The following NAALADL2 variants were observed in gnomAD, a reference collection of about 807,000 sequenced individuals.
The protein encoded by NAALADL2 is N-acetylated alpha-linked acidic dipeptidase like 2, also known as inactive N-acetylated-alpha-linked acidic dipeptidase-like protein 2.
Under a neutral mutation model 87.2 loss-of-function variants are expected in NAALADL2, and 76 were observed. The observed-to-expected ratio is 0.87, with a 90% CI of 0.72 to 1.05. NAALADL2 has a LOEUF of 1.05. Among genes scored for constraint, NAALADL2 ranks in the 50% least tolerant of loss-of-function variants. The pLI is 0.00. For missense variants in NAALADL2, 1,089 were observed against 945.8 expected (o/e 1.15, Z -1.99); for synonymous variants, 354 against 331.0 (o/e 1.07, Z -0.75).
rs73049340 is a variant in NAALADL2 at position 175,640,046 on chromosome 3, T to G, written c.1896+12660T>G. On this transcript the variant is annotated intron_variant, in intron 11 of 13. Transcript: ENST00000454872. ...AGCAGAGATGCTTCAGAATAGAAAA[T>G]TTAAAAACGTGATTTGTATGTTGGA... Among the ~76,000 whole-genome samples, 1,360 of 152,266 alleles carry G rather than the reference T, an allele frequency of 8.9e-3. 13 individuals carry two copies. The highest frequency in any genetic ancestry group is 0.031 in the African/African-American group (1,287 of 41,540).
intron 9 of NAALADL2, among the ~76,000 whole-genome samples, chr3:175,567,301 G>A (rs188938356): frequency 1.3e-5 from 2 of 152,268 alleles, no homozygotes; most frequent in South Asian, 2.1e-4. Flanking sequence ...AATGAAGGTC[G>A]GTTGTTGAGG....
chr3:174,895,251 T>C (rs1281090124), intron 1 of NAALADL2, among the ~76,000 whole-genome samples: 2 of 151,848 alleles, frequency 1.3e-5, no homozygotes, highest in Non-Finnish European at 2.9e-5. Context: ...AGTTGGTTTT[T>C]TGAAAACTTA....
Position 175,217,305 on chromosome 3 carries a change from G to A in NAALADL2, c.546-16626G>A, listed in dbSNP as rs1021084139. On this transcript the variant is annotated intron_variant, in intron 2 of 13. Transcript: ENST00000454872. ...ATGGAGGAAAGCTCGCCCAGCAACA[G>A]CATGCGTTCATTTCCAGTTTGCAGT... Among the ~76,000 whole-genome samples the A allele has an allele frequency of 7.9e-5, 12 of 152,196 alleles. No individual in the cohort carries two copies. In the East Asian group the frequency reaches 2.3e-3, roughly 29 times the overall value.
At chr3:175,182,148 T>C (rs545467084) in intron 2 of NAALADL2, among the ~76,000 whole-genome samples, 2 of 152,158 alleles carry the variant, frequency 1.3e-5, no homozygotes, top group African/African-American at 4.8e-5. Context: ...TGATGATTAG[T>C]GATATTGAGA....
rs543195371 is a variant in NAALADL2, at chr3:174,952,863, T to C, written c.43+93413T>C. The stretch of plus-strand genomic sequence containing the variant: ...GGTACTGTCCCTGCATTTACACTTG[T>C]AGGTCAAATGAATATTTTTGATCAT... On this transcript the variant is annotated intron_variant, in intron 1 of 13. Transcript: ENST00000454872. 2.6e-5 allele frequency among the ~76,000 whole-genome samples: 4 copies of C among 152,236 alleles called. No individual in the cohort carries two copies. In the South Asian group the frequency reaches 6.2e-4, roughly 24 times the overall value.
intron 3 of NAALADL2, among the ~76,000 whole-genome samples, chr3:174,825,463 C>T (rs974560845): frequency 6.6e-6 from 1 of 152,158 alleles, no homozygotes; most frequent in Non-Finnish European, 1.5e-5. Flanking sequence ...TATCTAGGCC[C>T]TGGATGGAAT....
intron 3 of NAALADL2, among the ~76,000 whole-genome samples, chr3:175,248,072 C>T (rs1748322142): frequency 6.6e-6 from 1 of 152,172 alleles, no homozygotes; most frequent in Non-Finnish European, 1.5e-5. Flanking sequence ...CTTCTACTGC[C>T]TTCTCTAGTA....
intron 13 of NAALADL2, among the ~76,000 whole-genome samples, chr3:175,775,322 A>T (rs1253581767): frequency 2.0e-5 from 3 of 152,096 alleles, no homozygotes; most frequent in Non-Finnish European, 4.4e-5. Flanking sequence ...TGTCATACTT[A>T]ATATAGAAAG....
intron 1 of NAALADL2, among the ~76,000 whole-genome samples, chr3:174,457,469 A>T (rs186266635): frequency 4.7e-4 from 72 of 152,310 alleles, no homozygotes; most frequent in Middle Eastern, 3.4e-3. Context: ...TTAGTGGTGG[A>T]CTGGATAAAG....
intron 2 of NAALADL2, among the ~76,000 whole-genome samples, chr3:175,134,436 G>C (rs548434848): frequency 0.023 from 3,428 of 152,180 alleles, 61 homozygotes; most frequent in Admixed American, 0.033. Flanking sequence ...CTTTTTTGGG[G>C]GGGTCCTTTT....
chr3:174,721,969 T>C (rs1453377714), intron 2 of NAALADL2, among the ~76,000 whole-genome samples: 1 of 152,180 alleles, frequency 6.6e-6, no homozygotes, highest in Non-Finnish European at 1.5e-5. Context: ...AGCTCCAGTT[T>C]CATCAACAAT....
intron 1 of NAALADL2, among the ~76,000 whole-genome samples, chr3:175,065,681 T>C (rs978891585): frequency 2.0e-5 from 3 of 152,192 alleles, no homozygotes; most frequent in Admixed American, 6.6e-5. Context: ...GCTCTTCCAC[T>C]GCAGCTGGCT....
At chr3:175,544,819 A>AT (rs2149477341) in intron 9 of NAALADL2, among the ~76,000 whole-genome samples, 1 of 151,986 alleles carries the variant, frequency 6.6e-6, no homozygotes, top group South Asian at 2.1e-4. Context: ...CCTAGCCAAG[A>AT]TTTTTCTGCC....
chr3:175,037,734 A>T (rs1753582938), intron 1 of NAALADL2, among the ~76,000 whole-genome samples: 1 of 152,062 alleles, frequency 6.6e-6, no homozygotes, highest in South Asian at 2.1e-4. Context: ...ATTTCCAGTT[A>T]GACTGCATTC....
intron 3 of NAALADL2, among the ~76,000 whole-genome samples, chr3:174,763,286 T>C (rs532202875): frequency 1.3e-5 from 2 of 151,884 alleles, no homozygotes; most frequent in African/African-American, 2.4e-5. Flanking sequence ...CTGAAGAAGA[T>C]TATTCAGATA....
At chr3:175,340,591 T>C (rs1337558281) in intron 5 of NAALADL2, among the ~76,000 whole-genome samples, 1 of 152,098 alleles carries the variant, frequency 6.6e-6, no homozygotes. Context: ...GCAGGGAGTG[T>C]TGGGAGTAGC....
chr3:175,032,086 TTC>T (rs1394873359), intron 1 of NAALADL2, among the ~76,000 whole-genome samples: 8 of 152,072 alleles, frequency 5.3e-5, no homozygotes, highest in African/African-American at 1.9e-4. Flanking sequence ...TTTTGATAGT[TTC>T]TTTTGGTGTG....
intron 9 of NAALADL2, among the ~76,000 whole-genome samples, chr3:175,482,546 A>G (rs1726635376): frequency 6.6e-6 from 1 of 151,956 alleles, no homozygotes; most frequent in Non-Finnish European, 1.5e-5. Context: ...TCATTTGTAT[A>G]TGTTCAGAAA....
At chr3:175,440,747 C>T (rs1373105489) in intron 5 of NAALADL2, among the ~76,000 whole-genome samples, 1 of 152,120 alleles carries the variant, frequency 6.6e-6, no homozygotes. Context: ...AATCCTGAAA[C>T]TTTGCTGAAT....
Sources: allele counts gnomAD v4.1 joint callset (sites outside exome capture counted in the v4.1 genomes callset), GRCh38; gene constraint gnomAD v4.1.1; transcripts MANE v1.5; gene names NCBI Gene and HGNC (gene_info 2026-07-23, HGNC 2026-07-21).